The following C2orf68 variants were observed in gnomAD, a reference collection of about 807,000 sequenced individuals.
C2orf68 encodes the protein UPF0561 protein C2orf68.
In C2orf68, 15 loss-of-function variants were observed where a neutral mutation model predicts 19.1. The ratio of observed to expected loss-of-function variants is 0.79; its 90% CI spans 0.53 to 1.21. The LOEUF is 1.21. Ranked by LOEUF, C2orf68 falls within the 50% of genes most tolerant of loss-of-function variation. C2orf68 has a pLI of 0.00. For synonymous variants in C2orf68, 98 were observed against 91.0 expected (o/e 1.08, Z -0.44); for missense variants, 242 against 226.6 (o/e 1.07, Z -0.44).
In C2orf68 at chr2:85,606,183, T is replaced by G. The variant is rs1226870605; in HGVS notation, c.*2762A>C. On this transcript the variant is annotated 3_prime_UTR_variant, in exon 4 of 4. Coordinates refer to ENST00000306336, the MANE Select transcript of C2orf68 (RefSeq NM_001013649.4). ...CAGATTGTGTGTGTGTGCGCGTTTTTTAAAGACAGCCAATTACATCGTATC... is the reference window on the plus strand; with the variant it reads ...CAGATTGTGTGTGTGTGCGCGTTTTGTAAAGACAGCCAATTACATCGTATC... 6.6e-6 allele frequency among the ~76,000 whole-genome samples: 1 copy of G among 152,236 alleles called. No individual in the cohort carries two copies. The highest frequency in any genetic ancestry group is 1.5e-5 in the Non-Finnish European group (1 of 68,044).
In C2orf68 at chr2:85,607,023, T is replaced by A. The variant is rs368712920; in HGVS notation, c.*1922A>T. On this transcript the variant is annotated 3_prime_UTR_variant, in exon 4 of 4. Transcript: ENST00000306336. Reference sequence around the variant, plus strand: ...CGGTCTGGATCTCCTGATTTCATGATCCGCCCGCCTCGGCCTCCCTACCTC... The same window carrying A: ...CGGTCTGGATCTCCTGATTTCATGAACCGCCCGCCTCGGCCTCCCTACCTC... 7 of 152,262 alleles carry A rather than the reference T, an allele frequency of 4.6e-5. No homozygotes were observed. The East Asian group carries it at 7.7e-4, about 17-fold the overall frequency. 9.4% of individuals were successfully genotyped at this position (152,262 alleles called of 1,614,324 possible). A position where few individuals can be genotyped will look rare whatever the true frequency, so the allele number is the denominator to read the frequency against.
intron 2 of C2orf68, 60 bp from the exon 3 acceptor site, chr2:85,609,646 T>C (rs1673375529): frequency 6.3e-7 from 1 of 1,588,926 alleles, no homozygotes; most frequent in Non-Finnish European, 8.6e-7. Flanking sequence ...GCCCTGTCCA[T>C]AGAGATGCTG....
At position 85,606,166 on chromosome 2, in the gene C2orf68, G is replaced by A. The variant is rs1357819836; in HGVS notation, c.*2779C>T. On this transcript the variant is annotated 3_prime_UTR_variant, in exon 4 of 4. Coordinates refer to ENST00000306336, the MANE Select transcript of C2orf68 (RefSeq NM_001013649.4). ...GCATGAGATATGCCTATCAGATTGT[G>A]TGTGTGTGCGCGTTTTTTAAAGACA... Among the ~76,000 whole-genome samples the A allele has an allele frequency of 6.6e-6, 1 of 152,184 alleles. No homozygotes were observed. Among genetic ancestry groups the A allele is most frequent in the Non-Finnish European group, 1.5e-5 (1 of 68,040 alleles).
Position 85,607,752 on chromosome 2 carries a change from T to C in C2orf68, c.*1193A>G, listed in dbSNP as rs931285408. ...GTTCTCAAAGGCTTAAAGCCATATT[T>C]CAAGGCACTGAGGTTAGGCTGATAT... On this transcript the variant is annotated 3_prime_UTR_variant, in exon 4 of 4. Coordinates refer to ENST00000306336, the MANE Select transcript of C2orf68 (RefSeq NM_001013649.4). The C allele has an allele frequency of 7.2e-5, 11 of 152,224 alleles. No homozygotes were observed. The highest frequency in any genetic ancestry group is 1.3e-4 in the Admixed American group (2 of 15,286). 9.4% of individuals were successfully genotyped at this position (152,224 alleles called of 1,614,324 possible).
At position 85,611,671 on chromosome 2, in the gene C2orf68, G is replaced by A. The variant is rs1573378510; in HGVS notation, c.223C>T (p.Arg75Ter). 6.4e-7 allele frequency: 1 copy of A among 1,561,244 alleles called. No individual in the cohort carries two copies. The highest frequency in any genetic ancestry group is 8.7e-7 in the Non-Finnish European group (1 of 1,153,160). The change falls in exon 2 of 4, where the codon CGA becomes TGA. Residue 75 changes from arginine to a stop codon, truncating the protein, a stop_gained. Transcript: ENST00000306336. LOFTEE classifies it high-confidence loss of function. Reference sequence around the variant, plus strand: ...CAGGCGGGGCGGGCGGCCTCACCTCGGTGTCGCGGCAGGTACACCTGCAGG... The same window carrying A: ...CAGGCGGGGCGGGCGGCCTCACCTCAGTGTCGCGGCAGGTACACCTGCAGG... ...PDLQVYLPRH[R>*]DVSAHPRNPD...
At chr2:85,609,623 G>C (rs74324298) in intron 2 of C2orf68, 37 bp from the exon 3 acceptor site, 5 of 1,612,026 alleles carry the variant, frequency 3.1e-6, no homozygotes, top group Non-Finnish European at 4.2e-6. Context: ...GAAGAGGGGG[G>C]GTGCTGCTGA....
rs750340660 is a variant in C2orf68, at chr2:85,609,616, GA to G, written c.227-31del. The G allele has an allele frequency of 4.3e-6, 7 of 1,613,012 alleles. No individual in the cohort carries two copies. The South Asian group carries it at 4.4e-5, about 10-fold the overall frequency. On this transcript the variant is annotated intron_variant, in intron 2 of 3. Coordinates refer to ENST00000306336, the MANE Select transcript of C2orf68 (RefSeq NM_001013649.4). ...AAGGATGAACCACAGTAAGAAAGAAGAGGGGGGGTGCTGCTGAAGGCCCTGT... is the reference window on the plus strand; with the variant it reads ...AAGGATGAACCACAGTAAGAAAGAAGGGGGGGGTGCTGCTGAAGGCCCTGT...
At position 85,609,504 on chromosome 2, in the gene C2orf68, A is replaced by G; in HGVS notation, c.309T>C (p.Ser103=). The G allele has an allele frequency of 6.2e-7, 1 of 1,614,240 alleles. No homozygotes were observed. Among genetic ancestry groups the G allele is most frequent in the Non-Finnish European group, 8.5e-7 (1 of 1,180,046 alleles). ...ATTCTAAGCAGAAGAGCTGATGGCC[A>G]GAAGGCTCCAGCTCAGAGCCTCCAC... ...SSSGGSELEP[S]GHQLFCLEYE... is the part of the protein sequence containing the mutation. Residue 103 remains serine (S), a synonymous_variant, in exon 3 of 4, where the codon TCT becomes TCC. Coordinates refer to ENST00000306336, the MANE Select transcript of C2orf68 (RefSeq NM_001013649.4).
rs544571612 is a variant in C2orf68, at chr2:85,609,321, T to G, written c.378+114A>C. On this transcript the variant is annotated intron_variant, in intron 3 of 3. Coordinates refer to ENST00000306336, the MANE Select transcript of C2orf68 (RefSeq NM_001013649.4). ...ACTGCCCGGCAGGCCTAGACTCACA[T>G]GTGGAGCAGACGCTTCCCATTGGGG... The G allele has an allele frequency of 2.5e-4, 357 of 1,440,574 alleles. 2 individuals carry two copies. In the African/African-American group the frequency reaches 4.7e-3, roughly 19 times the overall value. 89.2% of individuals were successfully genotyped at this position (1,440,574 alleles called of 1,614,324 possible).
intron 3 of C2orf68, 31 bp downstream of exon 3, chr2:85,609,404 T>C (rs768025934): frequency 1.1e-5 from 18 of 1,610,294 alleles, no homozygotes; most frequent in Non-Finnish European, 1.4e-5. Flanking sequence ...GCCCAGGACC[T>C]TCAGGCTGCA....
intron 2 of C2orf68, chr2:85,611,287 G>A (rs1673504622): frequency 7.0e-7 from 1 of 1,418,710 alleles, no homozygotes; most frequent in Non-Finnish European, 9.1e-7. Flanking sequence ...TGATCTCTAG[G>A]TAGCAGAGAA....
intron 2 of C2orf68, 109 bp downstream of exon 2, chr2:85,611,559 C>A: frequency 6.4e-7 from 1 of 1,551,034 alleles, no homozygotes; most frequent in East Asian, 2.4e-5. Flanking sequence ...CGGAAAGAGA[C>A]GAGATGAGCT....
At position 85,611,924 on chromosome 2, in the gene C2orf68, T is replaced by A. The variant is rs770537097; in HGVS notation, c.61A>T (p.Met21Leu). The change falls in exon 1 of 4, where the codon ATG (methionine) becomes TTG (leucine). Residue 21 changes from methionine (M) to leucine (L), a missense_variant. Physicochemically the swap from Met to Leu is conservative, Grantham distance 15. Coordinates refer to ENST00000306336, the MANE Select transcript of C2orf68 (RefSeq NM_001013649.4). ...ATATGGTGCACGAAGCCGTGGTTCA[T>A]GTCCAGCCGCCCCCCAGGCTTGCAG... ...HCCKPGGRLD[M>L]NHGFVHHIRR... 7.6e-6 allele frequency: 12 copies of A among 1,588,798 alleles called. No individual in the cohort carries two copies. In the Admixed American group the frequency reaches 1.7e-4, roughly 23 times the overall value.
At position 85,608,346 on chromosome 2, in the gene C2orf68, G is replaced by A. The variant is rs1241334922; in HGVS notation, c.*599C>T. On this transcript the variant is annotated 3_prime_UTR_variant, in exon 4 of 4. Coordinates refer to ENST00000306336, the MANE Select transcript of C2orf68 (RefSeq NM_001013649.4). Reference sequence around the variant, plus strand: ...TTTATTGGTATCAGAATTACTTGGAGAGTTTTTTAGAAGGGTAGATCCCCA... The same window carrying A: ...TTTATTGGTATCAGAATTACTTGGAAAGTTTTTTAGAAGGGTAGATCCCCA... 3.3e-5 allele frequency: 5 copies of A among 152,130 alleles called. No individual in the cohort carries two copies. The highest frequency in any genetic ancestry group is 7.3e-5 in the Non-Finnish European group (5 of 68,048). 9.4% of individuals were successfully genotyped at this position (152,130 alleles called of 1,614,324 possible). A position where few individuals can be genotyped will look rare whatever the true frequency, so the allele number is the denominator to read the frequency against.
At chr2:85,609,200 T>C in intron 3 of C2orf68, 133 bp from the exon 4 acceptor site, 1 of 1,332,216 alleles carries the variant, frequency 7.5e-7, no homozygotes, top group Non-Finnish European at 1.0e-6. Context: ...TTCCTATGTG[T>C]CTCCTGTAAT....
At chr2:85,611,521 A>C (rs1558840100) in intron 2 of C2orf68, 147 bp downstream of exon 2, 3 of 1,550,758 alleles carry the variant, frequency 1.9e-6, no homozygotes, top group Non-Finnish European at 2.6e-6. Context: ...CATTCAGCGG[A>C]GATTTGGGAG....
chr2:85,608,864 T>G lies in C2orf68; in HGVS notation c.*81A>C. ...GTCTCAAGATCAGACAAACTGGTCC[T>G]GGTACCCCCACACTAAATTCCCTGG... On this transcript the variant is annotated 3_prime_UTR_variant, in exon 4 of 4. Coordinates refer to ENST00000306336, the MANE Select transcript of C2orf68 (RefSeq NM_001013649.4). 1 of 1,573,382 alleles carries G rather than the reference T, an allele frequency of 6.4e-7. No homozygotes were observed. Among genetic ancestry groups the G allele is most frequent in the South Asian group, 1.2e-5 (1 of 84,810 alleles).
At position 85,609,527 on chromosome 2, in the gene C2orf68, C is replaced by T; in HGVS notation, c.286G>A (p.Gly96Arg). ...YEESGESSSS[G>R]GSELEPSGHQ... ...CCAGAAGGCTCCAGCTCAGAGCCTC[C>T]ACTACTGCTGCTTTCACCGGACTCT... Residue 96 changes from glycine to arginine, a missense_variant, in exon 3 of 4, where the codon GGA becomes AGA. Gly to Arg is a moderately radical substitution (Grantham distance 125). Transcript: ENST00000306336. 1 of 1,614,210 alleles carries T rather than the reference C, an allele frequency of 6.2e-7. No homozygotes were observed.
At position 85,605,353 on chromosome 2, in the gene C2orf68, C is replaced by T. The variant is rs1204729170; in HGVS notation, c.*3592G>A. Reference sequence around the variant, plus strand: ...AATAATTTGTACACTACATTTTATTCATCTACACATTGGAAATGAGTAAAC... The same window carrying T: ...AATAATTTGTACACTACATTTTATTTATCTACACATTGGAAATGAGTAAAC... On this transcript the variant is annotated 3_prime_UTR_variant, in exon 4 of 4. Transcript: ENST00000306336. 6.6e-6 allele frequency among the ~76,000 whole-genome samples: 1 copy of T among 151,868 alleles called. No homozygotes were observed. Among genetic ancestry groups the T allele is most frequent in the Admixed American group, 6.6e-5 (1 of 15,250 alleles).
Sources: gnomAD v4.1 joint callset for allele counts (sites outside exome capture counted in the v4.1 genomes callset) on GRCh38, gnomAD v4.1.1 for gene constraint, MANE v1.5 for transcripts, NCBI Gene and HGNC (gene_info 2026-07-23, HGNC 2026-07-21) for gene names.